The following CHD4 variants were observed in gnomAD, a reference collection of about 807,000 sequenced individuals.
CHD4 encodes the protein chromodomain helicase DNA binding protein 4.
A neutral mutation model predicts 235.5 loss-of-function variants in CHD4; 35 were observed. That is an observed-to-expected ratio of 0.15 (90% confidence interval 0.11 to 0.20). The LOEUF (loss-of-function observed/expected upper bound fraction) is 0.20, where lower values mean the gene tolerates loss of function less well. Among genes scored for constraint, CHD4 ranks in the 10% least tolerant of loss-of-function variants. The pLI, the probability that CHD4 is intolerant of heterozygous loss-of-function variation, is 1.00. For synonymous variants in CHD4, 900 were observed against 850.2 expected (o/e 1.06, Z -1.02); for missense variants, 1,329 against 2,432.3 (o/e 0.55, Z 9.54).
Position 6,587,486 on chromosome 12 carries a change from G to T in CHD4, c.3777C>A (p.Asp1259Glu). Residue 1259 changes from aspartate (D) to glutamate (E), a missense_variant, in exon 25 of 40, where the codon GAC becomes GAA. By Grantham distance (45) the Asp-to-Glu change is conservative (BLOSUM62 2). Around this residue, in one of 26 missense-constraint regions of CHD4, gnomAD observed 21 missense variants for 53.5 expected, o/e 0.39. Transcript: ENST00000544040. Reference sequence around the variant, plus strand: ...TGTCTTCAGTCTCATCCTGGTTACGGTCTAGCAGCCGTTCAATGGCCTTAT... The same window carrying T: ...TGTCTTCAGTCTCATCCTGGTTACGTTCTAGCAGCCGTTCAATGGCCTTAT... ...YDDKAIERLL[D>E]RNQDETEDTE... 6.2e-7 allele frequency: 1 copy of T among 1,614,158 alleles called. No individual in the cohort carries two copies. Among genetic ancestry groups the T allele is most frequent in the Non-Finnish European group, 8.5e-7 (1 of 1,180,026 alleles).
At chr12:6,598,911 A>G (rs947316231) in intron 10 of CHD4, among the ~76,000 whole-genome samples, 3 of 152,254 alleles carry the variant, frequency 2.0e-5, no homozygotes, top group African/African-American at 7.2e-5. Flanking sequence ...GCTTGGGACC[A>G]GAAGTATTTT....
chr12:6,601,970 T>A lies in CHD4; in HGVS notation c.428A>T (p.Asp143Val), dbSNP rs768429912. Residue 143 changes from aspartate (D) to valine (V), a missense_variant, in exon 4 of 40, where the codon GAT becomes GTT. Around this residue, in one of 26 missense-constraint regions of CHD4, gnomAD observed 213 missense variants for 177.5 expected, o/e 1.20. Coordinates refer to ENST00000544040, the MANE Select transcript of CHD4 (RefSeq NM_001273.5). ...TGGAGGTCCAGGCACCTTTGAATCA[T>A]CATCATCATCCTCCTCCTCCTCCTC... ...KEEEEEEDDD[D>V]DSKEPKSSAQ... 1.9e-6 allele frequency: 3 copies of A among 1,608,342 alleles called. No homozygotes were observed. The East Asian group carries it at 6.7e-5, about 36-fold the overall frequency.
Position 6,592,788 on chromosome 12 carries a change from G to C in CHD4, c.2682C>G (p.Leu894=). ...KFFRVLNGYS[L]QHKLLLTGTP... ...TCCCAGTCAGCAACAGCTTGTGCTGGAGTGAGTAACCATTCAATACCCGGA... is the reference window on the plus strand; with the variant it reads ...TCCCAGTCAGCAACAGCTTGTGCTGCAGTGAGTAACCATTCAATACCCGGA... The change falls in exon 18 of 40, where the codon CTC becomes CTG. Residue 894 remains leucine, a synonymous_variant. Transcript: ENST00000544040. 6.2e-7 allele frequency: 1 copy of C among 1,613,656 alleles called. No homozygotes were observed.
chr12:6,606,284 T>A lies in CHD4; in HGVS notation c.90A>T (p.Pro30=). ...TGGGGAAGATGTTACCTGGGTGGGG[T>A]GGGGGCAGGCTGTTGTTCAAAAGTG... ...MDALLNNSLP[P]PHPENEEDPE... Residue 30 remains proline, a synonymous_variant, in exon 2 of 40, where the codon CCA becomes CCT. Transcript: ENST00000544040. The A allele has an allele frequency of 7.6e-6, 12 of 1,575,954 alleles. No homozygotes were observed. Among genetic ancestry groups the A allele is most frequent in the Non-Finnish European group, 1.0e-5 (12 of 1,161,166 alleles).
intron 15 of CHD4, 27 bp downstream of exon 15, chr12:6,594,432 A>G (rs1381495518): frequency 1.3e-6 from 2 of 1,576,210 alleles, no homozygotes; most frequent in Non-Finnish European, 8.6e-7. Context: ...ACCCACACAA[A>G]AAACTATCCA....
Position 6,570,865 on chromosome 12 carries a change from C to G in CHD4, c.5721+4G>C, listed in dbSNP as rs199539910. The G allele has an allele frequency of 3.7e-6, 6 of 1,614,044 alleles. No individual in the cohort carries two copies. The East Asian group carries it at 1.3e-4, about 36-fold the overall frequency. On this transcript the variant is annotated splice_donor_region_variant and intron_variant, in intron 39 of 39. Transcript: ENST00000544040. Reference sequence around the variant, plus strand: ...AGGTGGTGTCAAGAAGAAAATGGTCCTACCTGCTGTGGGGTAGGTTCGGGT... The same window carrying G: ...AGGTGGTGTCAAGAAGAAAATGGTCGTACCTGCTGTGGGGTAGGTTCGGGT...
intron 31 of CHD4, 96 bp downstream of exon 31, chr12:6,581,553 T>C: frequency 6.3e-7 from 1 of 1,581,330 alleles, no homozygotes; most frequent in Non-Finnish European, 8.7e-7. Context: ...CTGTGTGTCC[T>C]GCCAGACTAC....
Position 6,606,311 on chromosome 12 carries a change from A to C in CHD4, c.63T>G (p.Asp21Glu). 2.5e-6 allele frequency: 4 copies of C among 1,582,400 alleles called. No homozygotes were observed. Among genetic ancestry groups the C allele is most frequent in the Non-Finnish European group, 3.4e-6 (4 of 1,166,476 alleles). Residue 21 changes from aspartate (D) to glutamate (E), a missense_variant, in exon 2 of 40, where the codon GAT becomes GAG. Coordinates refer to ENST00000544040, the MANE Select transcript of CHD4 (RefSeq NM_001273.5). ...GGGGCAGGCTGTTGTTCAAAAGTGC[A>C]TCCATATCCTCCTCCTCACTGCCCG... ...CSAGSEEEDM[D>E]ALLNNSLPPP... is the part of the protein sequence containing the mutation.
chr12:6,574,201 G>A (rs1948028865), intron 37 of CHD4, among the ~76,000 whole-genome samples: 1 of 152,046 alleles, frequency 6.6e-6, no homozygotes, highest in Non-Finnish European at 1.5e-5. Flanking sequence ...ACAGAATGAT[G>A]TTTTCTGTAT....
In CHD4 at chr12:6,595,559, G is replaced by A. The variant is rs946103357; in HGVS notation, c.2025-129C>T. On this transcript the variant is annotated intron_variant, in intron 13 of 39. Coordinates refer to ENST00000544040, the MANE Select transcript of CHD4 (RefSeq NM_001273.5). Reference sequence around the variant, plus strand: ...GGCCAGCACTTTGGGAGGCTGAGACGGGCGGATCACCTGAGGTCAGGAGAT... The same window carrying A: ...GGCCAGCACTTTGGGAGGCTGAGACAGGCGGATCACCTGAGGTCAGGAGAT... 157 of 695,618 alleles carry A rather than the reference G, an allele frequency of 2.3e-4. No homozygotes were observed. The African/African-American group carries it at 2.4e-3, about 11-fold the overall frequency. The allele number at this position is 695,618 out of a possible 1,614,324, so 43.1% of individuals were successfully genotyped here.
At chr12:6,604,689 G>C (rs1383981936) in intron 2 of CHD4, among the ~76,000 whole-genome samples, 3 of 152,106 alleles carry the variant, frequency 2.0e-5, no homozygotes, top group Admixed American at 6.6e-5. Flanking sequence ...AACTTCTCAG[G>C]CAAATAATAT....
intron 25 of CHD4, chr12:6,584,838 T>TC (rs1384077638): frequency 6.6e-6 from 1 of 152,270 alleles, no homozygotes; most frequent in Non-Finnish European, 1.5e-5. Context: ...GCATGTGCTC[T>TC]CCCATCAATC....
chr12:6,577,203 C>T (rs181959973), intron 37 of CHD4, among the ~76,000 whole-genome samples: 170 of 152,154 alleles, frequency 1.1e-3, no homozygotes, highest in African/African-American at 3.8e-3. Flanking sequence ...TGGATCACTT[C>T]GAGGTCAGGA....
At chr12:6,606,682 C>A (rs1948706797) in intron 1 of CHD4, 2 of 266,270 alleles carry the variant, frequency 7.5e-6, no homozygotes, top group Admixed American at 5.6e-5. Flanking sequence ...CTGGTGCAAG[C>A]GCGGGGAGGG....
rs948267081 is a variant in CHD4, at chr12:6,597,914, G to A, written c.1872C>T (p.Ile624=). 13 of 1,614,158 alleles carry A rather than the reference G, an allele frequency of 8.1e-6. No individual in the cohort carries two copies. Among genetic ancestry groups the A allele is most frequent in the Non-Finnish European group, 1.1e-5 (13 of 1,180,000 alleles). ...RYGIKPEWMM[I]HRILNHSVDK... Reference sequence around the variant, plus strand: ...GGTACCTGTGGTTGAGGATTCGGTGGATCATCATCCACTCGGGTTTTATCC... The same window carrying A: ...GGTACCTGTGGTTGAGGATTCGGTGAATCATCATCCACTCGGGTTTTATCC... Residue 624 remains isoleucine (I), a synonymous_variant, in exon 12 of 40, where the codon ATC becomes ATT. Coordinates refer to ENST00000544040, the MANE Select transcript of CHD4 (RefSeq NM_001273.5).
At position 6,588,416 on chromosome 12, in the gene CHD4, C is replaced by G; in HGVS notation, c.3347G>C (p.Gly1116Ala). The G allele has an allele frequency of 1.2e-6, 2 of 1,613,612 alleles. No homozygotes were observed. Among genetic ancestry groups the G allele is most frequent in the South Asian group, 1.1e-5 (1 of 91,054 alleles). ...QEAIDRFNAPGAQQFCFLLST... is the reference protein window; with the variant it reads ...QEAIDRFNAPAAQQFCFLLST... ...AAGCAAGAAGCAGAACTGCTGAGCA[C>G]CCGGTGCTAATAAAAGAACCAAAAA... Residue 1116 changes from glycine to alanine, a missense_variant, in exon 23 of 40, where the codon GGT becomes GCT. This residue lies in a region of CHD4 where 12 missense variants were observed against 23.3 expected (regional missense o/e 0.52). Transcript: ENST00000544040.
At chr12:6,578,185 T>G (rs759695732) in intron 35 of CHD4, 48 bp from the exon 36 acceptor site, 1 of 1,506,474 alleles carries the variant, frequency 6.6e-7, no homozygotes, top group Non-Finnish European at 9.2e-7. Flanking sequence ...AGCAAACATC[T>G]GTGAGAATTG....
Position 6,576,049 on chromosome 12 carries a change from C to CT in CHD4, c.5361+1735dup, listed in dbSNP as rs35630388. ...CCCTACTCCAATTCCCTCTCGAGAA[C>CT]TTTTTTTTTTTTTTAAGACAGGGTC... On this transcript the variant is annotated intron_variant, in intron 37 of 39. Coordinates refer to ENST00000544040, the MANE Select transcript of CHD4 (RefSeq NM_001273.5). Among the ~76,000 whole-genome samples, 233 of 145,918 alleles carry CT rather than the reference C, an allele frequency of 1.6e-3. 1 individual carries two copies. Among genetic ancestry groups the CT allele is most frequent in the African/African-American group, 3.2e-3 (128 of 40,060 alleles).
chr12:6,583,389 G>C lies in CHD4; in HGVS notation c.3880-11C>G, dbSNP rs1355023498. 1.3e-6 allele frequency: 2 copies of C among 1,598,000 alleles called. No homozygotes were observed. The highest frequency in any genetic ancestry group is 4.5e-5 in the East Asian group (2 of 44,792). Reference sequence around the variant, plus strand: ...TACCTCCTCTTCCTCCTGGGACAGAGGGAGGGCCAGGACTCAGGAGTGCTG... The same window carrying C: ...TACCTCCTCTTCCTCCTGGGACAGACGGAGGGCCAGGACTCAGGAGTGCTG... On this transcript the variant is annotated splice_polypyrimidine_tract_variant and intron_variant, in intron 25 of 39. Transcript: ENST00000544040.
Sources: gnomAD v4.1 joint callset for allele counts (sites outside exome capture counted in the v4.1 genomes callset) on GRCh38, gnomAD v4.1.1 for gene constraint, gnomAD v4.1.1 regional missense constraint, MANE v1.5 for transcripts, NCBI Gene and HGNC (gene_info 2026-07-23, HGNC 2026-07-21) for gene names.